Variants in WDFY3 observed in about 807,000 individuals in gnomAD.
WDFY3 encodes the protein WD repeat and FYVE domain-containing protein 3.
In WDFY3, 66 loss-of-function variants were observed where a neutral mutation model predicts 409.6. That is an observed-to-expected ratio of 0.16 (90% CI 0.13 to 0.20). WDFY3 has a LOEUF of 0.20. Among genes scored for constraint, WDFY3 ranks in the 10% least tolerant of loss-of-function variants. WDFY3 has a pLI of 1.00. For missense variants in WDFY3, 3,031 were observed against 4,298.1 expected (o/e 0.71, Z 8.24); for synonymous variants, 1,521 against 1,537.1 (o/e 0.99, Z 0.25).
chr4:84,673,049 C>T, intron 67 of WDFY3, 58 bp from the exon 68 acceptor site: 2 of 1,603,502 alleles, frequency 1.2e-6, no homozygotes, highest in South Asian at 2.2e-5. Flanking sequence ...ATCATGGGCA[C>T]CGGAAACATT....
chr4:84,771,195 G>A lies in WDFY3; in HGVS notation c.4849+1640C>T, dbSNP rs1744625232. Among the ~76,000 whole-genome samples, 5 of 152,248 alleles carry A rather than the reference G, an allele frequency of 3.3e-5. No homozygotes were observed. In the South Asian group the frequency reaches 1.0e-3, roughly 32 times the overall value. The stretch of plus-strand genomic sequence containing the variant: ...CTTGTCACCCAGGTTGAAGGTCAGT[G>A]GCACAATTACAATTCACTACAGCCT... On this transcript the variant is annotated intron_variant, in intron 30 of 67. Coordinates refer to ENST00000295888, the MANE Select transcript of WDFY3 (RefSeq NM_014991.6).
At chr4:84,736,062 C>T in intron 42 of WDFY3, 108 bp downstream of exon 42, 2 of 1,288,366 alleles carry the variant, frequency 1.6e-6, no homozygotes, top group South Asian at 1.9e-5. Flanking sequence ...TATCTCTATT[C>T]TAAAGCAAAA....
intron 58 of WDFY3, among the ~76,000 whole-genome samples, chr4:84,694,744 A>G (rs1266824055): frequency 6.6e-6 from 1 of 152,154 alleles, no homozygotes; most frequent in East Asian, 1.9e-4. Context: ...CAGCCTGGGC[A>G]ACATAGTGAG....
chr4:84,923,514 A>T (rs964460564), intron 2 of WDFY3, among the ~76,000 whole-genome samples: 9 of 152,204 alleles, frequency 5.9e-5, no homozygotes, highest in Non-Finnish European at 1.0e-4. Flanking sequence ...AGCTTTTATT[A>T]AATAAATGTG....
chr4:84,769,476 G>A (rs944435114), intron 30 of WDFY3, among the ~76,000 whole-genome samples: 3 of 151,992 alleles, frequency 2.0e-5, no homozygotes, highest in Admixed American at 6.5e-5. Flanking sequence ...GTGCAGTGGC[G>A]CGATCTCGGC....
intron 3 of WDFY3, among the ~76,000 whole-genome samples, chr4:84,875,883 T>G (rs970407351): frequency 6.6e-6 from 1 of 152,196 alleles, no homozygotes; most frequent in Non-Finnish European, 1.5e-5. Context: ...ATGATAACAA[T>G]GCCTTCTTCT....
chr4:84,874,061 G>GT (rs1233033326), intron 3 of WDFY3, among the ~76,000 whole-genome samples: 1 of 151,680 alleles, frequency 6.6e-6, no homozygotes, highest in African/African-American at 2.4e-5. Flanking sequence ...AATTACAGGT[G>GT]TGAGCCACCG....
intron 47 of WDFY3, among the ~76,000 whole-genome samples, chr4:84,720,708 T>G (rs973529620): frequency 1.3e-5 from 2 of 152,216 alleles, no homozygotes; most frequent in African/African-American, 2.4e-5. Context: ...GGTGCCATGC[T>G]TGTACAGCTT....
chr4:84,879,122 G>A (rs1763158278), intron 3 of WDFY3, among the ~76,000 whole-genome samples: 1 of 152,100 alleles, frequency 6.6e-6, no homozygotes, highest in South Asian at 2.1e-4. Flanking sequence ...AAAATCTGGT[G>A]GGTCCCTAAT....
At chr4:84,686,254 C>T (rs886359464) in intron 62 of WDFY3, among the ~76,000 whole-genome samples, 9 of 151,992 alleles carry the variant, frequency 5.9e-5, no homozygotes, top group Middle Eastern at 3.4e-3. Context: ...TGCATTGAGC[C>T]GACATAGCAC....
intron 10 of WDFY3, among the ~76,000 whole-genome samples, chr4:84,824,463 C>G (rs376267328): frequency 2.0e-4 from 30 of 151,946 alleles, no homozygotes; most frequent in African/African-American, 6.0e-4. Context: ...ACACATTTCC[C>G]CCAGTTAAGA....
In WDFY3 at chr4:84,787,435, G is replaced by C. The variant is rs774488910; in HGVS notation, c.3901+47C>G. The C allele has an allele frequency of 7.1e-6, 11 of 1,557,070 alleles. No homozygotes were observed. In the African/African-American group the frequency reaches 1.4e-4, roughly 19 times the overall value. ...GACACACACATGCATCTATATTGCAGGAGTTAAGTTTCATACAACTTCAAG... is the reference window on the plus strand; with the variant it reads ...GACACACACATGCATCTATATTGCACGAGTTAAGTTTCATACAACTTCAAG... On this transcript the variant is annotated intron_variant, in intron 23 of 67. Coordinates refer to ENST00000295888, the MANE Select transcript of WDFY3 (RefSeq NM_014991.6).
intron 30 of WDFY3, among the ~76,000 whole-genome samples, chr4:84,767,383 C>T (rs1217593044): frequency 6.6e-6 from 1 of 151,942 alleles, no homozygotes. Context: ...ACAATAATAT[C>T]GAAATTAGAC....
Position 84,693,035 on chromosome 4 carries a change from G to A in WDFY3, c.8902-3C>T. The A allele has an allele frequency of 6.2e-7, 1 of 1,610,040 alleles. No homozygotes were observed. On this transcript the variant is annotated splice_region_variant and splice_polypyrimidine_tract_variant and intron_variant, in intron 58 of 67. Coordinates refer to ENST00000295888, the MANE Select transcript of WDFY3 (RefSeq NM_014991.6). ...GGTGGATGAGGTTTTTTAAATAACT[G>A]GTATGAAAGAAGATGACTCACTTTA... is the stretch of plus-strand genomic sequence containing the variant.
At chr4:84,857,503 A>T (rs1759927419) in intron 4 of WDFY3, among the ~76,000 whole-genome samples, 1 of 152,160 alleles carries the variant, frequency 6.6e-6, no homozygotes, top group African/African-American at 2.4e-5. Flanking sequence ...AATTACCTCA[A>T]ACTCCTCAGT....
rs4541494 is a variant in WDFY3, at chr4:84,931,790, C to T, written c.-132+480G>A. Among the ~76,000 whole-genome samples the T allele has an allele frequency of 7.3e-3, 1,116 of 151,990 alleles. 13 individuals are homozygous for T. Among genetic ancestry groups the T allele is most frequent in the African/African-American group, 0.026 (1,070 of 41,474 alleles). On this transcript the variant is annotated intron_variant, in intron 2 of 67. Transcript: ENST00000295888. ...TAAAAAATAAACTTTTTAATAACAA[C>T]AAAGTAAAGTAAAGCATTAAAACTA...
chr4:84,809,715 AAAC>A (rs1214362216), intron 14 of WDFY3, 169 bp downstream of exon 14: 35 of 586,048 alleles, frequency 6.0e-5, no homozygotes, highest in Non-Finnish European at 9.3e-5. Flanking sequence ...AAAAAAAAAA[AAAC>A]AATACCAGAG....
At chr4:84,900,167 G>A (rs1766163793) in intron 2 of WDFY3, among the ~76,000 whole-genome samples, 1 of 152,116 alleles carries the variant, frequency 6.6e-6, no homozygotes, top group Non-Finnish European at 1.5e-5. Context: ...CAACCCAAAT[G>A]TCCTTCAGCA....
At chr4:84,808,251 C>A in intron 15 of WDFY3, 83 bp downstream of exon 15, 3 of 1,115,980 alleles carry the variant, frequency 2.7e-6, no homozygotes, top group East Asian at 2.6e-5. Context: ...TCACAAAACA[C>A]AATCAACATG....
Sources: allele counts gnomAD v4.1 joint callset (sites outside exome capture counted in the v4.1 genomes callset), GRCh38; gene constraint gnomAD v4.1.1; transcripts MANE v1.5; gene names NCBI Gene and HGNC (gene_info 2026-07-23, HGNC 2026-07-21).